Variants in RBMS1 observed in about 807,000 individuals in gnomAD.
RBMS1 encodes the protein RNA-binding motif, single-stranded-interacting protein 1.
In RBMS1, 17 loss-of-function variants were observed where a neutral mutation model predicts 62.3. The ratio of observed to expected loss-of-function variants is 0.27; its 90% CI spans 0.19 to 0.41. The LOEUF (loss-of-function observed/expected upper bound fraction) is 0.41, where lower values mean the gene tolerates loss of function less well. RBMS1 is among the 10% of genes least tolerant of loss of function. The pLI is 1.00. For synonymous variants in RBMS1, 172 were observed against 170.0 expected (o/e 1.01, Z -0.09); for missense variants, 334 against 504.5 (o/e 0.66, Z 3.24).
chr2:160,470,761 T>TG (rs753454612), intron 1 of RBMS1, among the ~76,000 whole-genome samples: 114 of 151,606 alleles, frequency 7.5e-4, no homozygotes, highest in African/African-American at 1.2e-3. Context: ...GCTCTCAGAG[T>TG]GGGGGGGGTA....
intron 1 of RBMS1, among the ~76,000 whole-genome samples, chr2:160,468,907 A>G (rs531976534): frequency 6.6e-6 from 1 of 152,312 alleles, no homozygotes; most frequent in Admixed American, 6.5e-5. Context: ...ACCCATGGAT[A>G]GGGCTACCTG....
At chr2:160,282,695 T>C (rs184336196) in intron 9 of RBMS1, 1 of 165,978 alleles carries the variant, frequency 6.0e-6, no homozygotes, top group African/African-American at 2.4e-5. Context: ...ATGGGAATAA[T>C]AATGTTTTGT....
chr2:160,450,628 G>T lies in RBMS1; in HGVS notation c.75+42661C>A, dbSNP rs1371833425. On this transcript the variant is annotated intron_variant, in intron 1 of 13. Transcript: ENST00000348849. ...AATAGTGGTGGTTTGTTTTGTAGAT[G>T]TAGATAGAATGCCTTCTTCCTTTGG... Among the ~76,000 whole-genome samples the T allele has an allele frequency of 6.7e-5, 10 of 148,880 alleles. 1 individual carries two copies. The highest frequency in any genetic ancestry group is 6.7e-4 in the Admixed American group (10 of 14,906).
intron 2 of RBMS1, among the ~76,000 whole-genome samples, chr2:160,343,360 A>T (rs908092256): frequency 1.4e-4 from 22 of 152,226 alleles, no homozygotes; most frequent in African/African-American, 5.1e-4. Context: ...CATTAAAATG[A>T]CAGACTGATT....
intron 1 of RBMS1, among the ~76,000 whole-genome samples, chr2:160,470,067 T>C (rs1354714719): frequency 6.6e-6 from 1 of 152,184 alleles, no homozygotes. Context: ...TGTGTGGGTG[T>C]AGATGTAAAA....
chr2:160,488,447 G>A (rs62175964), intron 1 of RBMS1, among the ~76,000 whole-genome samples: 4,002 of 152,194 alleles, frequency 0.026, 70 homozygotes, highest in Middle Eastern at 0.068. Context: ...ATTGTGGCAC[G>A]CGCCTGTAGT....
intron 1 of RBMS1, among the ~76,000 whole-genome samples, chr2:160,382,695 C>T (rs1694338772): frequency 6.6e-6 from 1 of 152,108 alleles, no homozygotes; most frequent in African/African-American, 2.4e-5. Context: ...ACCTTCACTC[C>T]AATCCTTCTA....
At chr2:160,418,642 T>G (rs1306174047) in intron 1 of RBMS1, among the ~76,000 whole-genome samples, 3 of 152,194 alleles carry the variant, frequency 2.0e-5, no homozygotes. Flanking sequence ...GCAGCATTCC[T>G]TTTAGTCATT....
At chr2:160,367,791 T>C (rs1314595016) in intron 1 of RBMS1, among the ~76,000 whole-genome samples, 7 of 152,192 alleles carry the variant, frequency 4.6e-5, no homozygotes, top group African/African-American at 1.7e-4. Context: ...TGAAAGTTGC[T>C]TAAAATTTTA....
intron 1 of RBMS1, among the ~76,000 whole-genome samples, chr2:160,391,266 G>A (rs1401784369): frequency 6.6e-6 from 1 of 150,556 alleles, no homozygotes; most frequent in Non-Finnish European, 1.5e-5. Context: ...CAGACAGGCA[G>A]GCACACAGAC....
intron 3 of RBMS1, among the ~76,000 whole-genome samples, 176 bp from the exon 4 acceptor site, chr2:160,313,423 C>T (rs953245424): frequency 6.6e-6 from 1 of 152,126 alleles, no homozygotes; most frequent in African/African-American, 2.4e-5. Flanking sequence ...TCCCTGTCGT[C>T]TATCACCAGA....
At chr2:160,477,257 G>T (rs768391355) in intron 1 of RBMS1, among the ~76,000 whole-genome samples, 3 of 152,190 alleles carry the variant, frequency 2.0e-5, no homozygotes, top group Non-Finnish European at 4.4e-5. Context: ...CGATACAGGA[G>T]AATCACTTGA....
rs1293900269 is a variant in RBMS1 at position 160,493,567 on chromosome 2, TC to T, written c.-205del. ...TTCCTCCTCCTCCTCCTCCTCCTCC[TC>T]CTCTTCCTCCTCCTCCTCCTCCTCC... On this transcript the variant is annotated 5_prime_UTR_variant, in exon 1 of 14. Transcript: ENST00000348849. The T allele has an allele frequency of 6.6e-5, 39 of 589,478 alleles. No individual in the cohort carries two copies. The highest frequency in any genetic ancestry group is 3.7e-4 in the African/African-American group (18 of 48,474). The allele number at this position is 589,478 out of a possible 1,614,324, so 36.5% of individuals were successfully genotyped here.
At chr2:160,322,447 C>G (rs1415364739) in intron 2 of RBMS1, among the ~76,000 whole-genome samples, 1 of 152,188 alleles carries the variant, frequency 6.6e-6, no homozygotes, top group African/African-American at 2.4e-5. Context: ...GATAACAAGA[C>G]AGAGGATGGT....
chr2:160,323,897 T>C (rs1208069425), intron 2 of RBMS1, among the ~76,000 whole-genome samples: 1 of 152,232 alleles, frequency 6.6e-6, no homozygotes, highest in East Asian at 1.9e-4. Context: ...TACTTAGAAT[T>C]TACTAAAACT....
intron 4 of RBMS1, among the ~76,000 whole-genome samples, chr2:160,310,280 G>T (rs10182927): frequency 0.99 from 151,003 of 152,338 alleles, 74,862 homozygotes; most frequent in Middle Eastern, 1. Context: ...AAACACTGCT[G>T]CCTGATCACC....
At chr2:160,279,271 A>G (rs1687987470) in intron 10 of RBMS1, 1 of 152,208 alleles carries the variant, frequency 6.6e-6, no homozygotes, top group South Asian at 2.1e-4. Context: ...TTCAGATATG[A>G]TTAATAATCT....
At chr2:160,453,286 G>A (rs1422112298) in intron 1 of RBMS1, among the ~76,000 whole-genome samples, 1 of 152,054 alleles carries the variant, frequency 6.6e-6, no homozygotes, top group East Asian at 1.9e-4. Flanking sequence ...ATTAAGGCCT[G>A]TAAAAAAGAA....
intron 3 of RBMS1, among the ~76,000 whole-genome samples, chr2:160,317,921 C>T (rs893075433): frequency 1.3e-5 from 2 of 152,146 alleles, no homozygotes; most frequent in Admixed American, 6.5e-5. Flanking sequence ...CCGTATTTTG[C>T]ATGTTAACTC....
Sources: allele counts gnomAD v4.1 joint callset (sites outside exome capture counted in the v4.1 genomes callset), GRCh38; gene constraint gnomAD v4.1.1; transcripts MANE v1.5; gene names NCBI Gene and HGNC (gene_info 2026-07-23, HGNC 2026-07-21).